The following LNX1 variants were observed in gnomAD, a reference collection of about 807,000 sequenced individuals.
LNX1 encodes the protein ligand of numb-protein X 1, also known as E3 ubiquitin-protein ligase LNX.
A neutral mutation model predicts 68.4 loss-of-function variants in LNX1; 54 were observed. The ratio of observed to expected loss-of-function variants is 0.79; its 90% confidence interval spans 0.63 to 0.99. The LOEUF (loss-of-function observed/expected upper bound fraction) is 0.99, where lower values mean the gene tolerates loss of function less well. LNX1 is among the 50% of genes least tolerant of loss of function. The pLI is 0.00. For synonymous variants in LNX1, 336 were observed against 350.0 expected (o/e 0.96, Z 0.45); for missense variants, 906 against 926.4 (o/e 0.98, Z 0.29).
At chr4:53,462,452 A>C (rs1222337487) in intron 9 of LNX1, among the ~76,000 whole-genome samples, 1 of 152,076 alleles carries the variant, frequency 6.6e-6, no homozygotes, top group African/African-American at 2.4e-5. Context: ...GTAGTCCGGG[A>C]ATTGGTTTGA....
rs565742301 is a variant in LNX1 at position 53,606,199 on chromosome 4, G to GA, written c.-215+10317dup. ...ATAGACCACTAGGTAGACTAATAAA[G>GA]AAAAAAAGGGAGAAGTTCCAAATAA... On this transcript the variant is annotated intron_variant, in intron 2 of 3. Transcript: ENST00000504299. 6.2e-3 allele frequency among the ~76,000 whole-genome samples: 921 copies of GA among 147,738 alleles called. 4 individuals are homozygous for GA. The highest frequency in any genetic ancestry group is 9.8e-3 in the Non-Finnish European group (656 of 66,620).
intron 2 of LNX1, among the ~76,000 whole-genome samples, chr4:53,537,890 G>T (rs1444889664): frequency 6.6e-6 from 1 of 152,250 alleles, no homozygotes; most frequent in Non-Finnish European, 1.5e-5. Flanking sequence ...AGGAAACGGT[G>T]TGGGGAGGTC....
Position 53,573,838 on chromosome 4 carries a change from C to G in LNX1, c.165G>C (p.Pro55=). The G allele has an allele frequency of 6.2e-7, 1 of 1,613,648 alleles. No individual in the cohort carries two copies. Among genetic ancestry groups the G allele is most frequent in the Non-Finnish European group, 8.5e-7 (1 of 1,179,774 alleles). ...LQALLDPLDT[P]CGHTYCTLCL... ...AGAGGGTGCAGTAGGTGTGTCCACA[C>G]GGAGTGTCCAGGGGGTCCAGCAAAG... is the stretch of plus-strand genomic sequence containing the variant. The change falls in exon 2 of 11, where the codon CCG becomes CCC. Residue 55 remains proline, a synonymous_variant. Transcript: ENST00000263925.
chr4:53,600,059 A>G (rs1007123540), intron 2 of LNX1, among the ~76,000 whole-genome samples: 4 of 152,142 alleles, frequency 2.6e-5, no homozygotes, highest in African/African-American at 7.2e-5. Context: ...CCTCTCCCCA[A>G]TACCATATGC....
chr4:53,632,133 G>A (rs1224585425), intron 1 of LNX1, among the ~76,000 whole-genome samples: 3 of 152,134 alleles, frequency 2.0e-5, no homozygotes, highest in African/African-American at 7.2e-5. Flanking sequence ...GCTGCATTAT[G>A]AGGAGACCTC....
At chr4:53,462,055 A>G (rs567027609) in intron 9 of LNX1, among the ~76,000 whole-genome samples, 2 of 152,238 alleles carry the variant, frequency 1.3e-5, no homozygotes, top group South Asian at 4.1e-4. Context: ...ATGAATTCGT[A>G]TACTTTTTTT....
intron 2 of LNX1, among the ~76,000 whole-genome samples, chr4:53,509,426 T>A (rs1411779407): frequency 6.6e-6 from 1 of 152,200 alleles, no homozygotes; most frequent in Non-Finnish European, 1.5e-5. Flanking sequence ...GCACACATGA[T>A]TTTTACTGCC....
chr4:53,555,568 A>G (rs1298720005), intron 2 of LNX1, among the ~76,000 whole-genome samples: 5 of 152,144 alleles, frequency 3.3e-5, no homozygotes, highest in Admixed American at 2.6e-4. Flanking sequence ...TAGACTGTCA[A>G]CTCCTAGAAA....
At chr4:53,577,872 A>ATGTTT (rs975742373) in intron 1 of LNX1, among the ~76,000 whole-genome samples, 8 of 152,054 alleles carry the variant, frequency 5.3e-5, no homozygotes, top group African/African-American at 1.9e-4. Context: ...TGAGGTTTTT[A>ATGTTT]TGTTTTGTTT....
chr4:53,542,446 G>A (rs1359899247), intron 2 of LNX1, among the ~76,000 whole-genome samples: 1 of 152,148 alleles, frequency 6.6e-6, no homozygotes, highest in Admixed American at 6.5e-5. Context: ...AACTAAGGGG[G>A]CATTAAGCCC....
intron 9 of LNX1, among the ~76,000 whole-genome samples, chr4:53,465,578 T>C (rs1189609694): frequency 6.6e-6 from 1 of 152,232 alleles, no homozygotes; most frequent in Non-Finnish European, 1.5e-5. Flanking sequence ...CAGCATAACA[T>C]ACCCCTACCT....
chr4:53,545,330 C>A (rs1435918098), intron 2 of LNX1, among the ~76,000 whole-genome samples: 1 of 152,194 alleles, frequency 6.6e-6, no homozygotes, highest in African/African-American at 2.4e-5. Context: ...TTTTCTGTTT[C>A]AGAATCCATC....
intron 9 of LNX1, among the ~76,000 whole-genome samples, chr4:53,465,063 A>ATTC: frequency 6.6e-6 from 1 of 152,252 alleles, no homozygotes; most frequent in African/African-American, 2.4e-5. Context: ...TATGGAAGCT[A>ATTC]TTCTTCCAAG....
At chr4:53,615,128 C>T (rs1293731729) in intron 2 of LNX1, among the ~76,000 whole-genome samples, 5 of 152,128 alleles carry the variant, frequency 3.3e-5, no homozygotes, top group African/African-American at 4.8e-5. Context: ...AAAAATGCCA[C>T]GATTGAAACA....
intron 1 of LNX1, among the ~76,000 whole-genome samples, chr4:53,588,277 CCTGT>C (rs988164998): frequency 7.2e-5 from 11 of 152,260 alleles, no homozygotes; most frequent in African/African-American, 2.2e-4. Flanking sequence ...GATACACAGA[CCTGT>C]CTGATACTAT....
chr4:53,479,111 G>A (rs1723752739), intron 7 of LNX1, among the ~76,000 whole-genome samples: 1 of 152,128 alleles, frequency 6.6e-6, no homozygotes, highest in Admixed American at 6.6e-5. Context: ...TGTTGCTCAG[G>A]CTGGTCTGGA....
chr4:53,498,934 A>T, intron 4 of LNX1, 91 bp from the exon 5 acceptor site: 1 of 912,288 alleles, frequency 1.1e-6, no homozygotes, highest in East Asian at 2.5e-5. Context: ...CAGCCAAACT[A>T]AACTATTCAT....
At chr4:53,511,738 C>A (rs1184110901) in intron 2 of LNX1, among the ~76,000 whole-genome samples, 1 of 152,178 alleles carries the variant, frequency 6.6e-6, no homozygotes, top group Non-Finnish European at 1.5e-5. Flanking sequence ...GAGTTCACTG[C>A]TAATGAGAGT....
rs183746511 is a variant in LNX1, at chr4:53,536,372, A to C, written c.381-28145T>G. On this transcript the variant is annotated intron_variant, in intron 2 of 10. Transcript: ENST00000263925. ...TTTACACAAACGCCACACACAGTCA[A>C]AGTCGTTCCCTAAGGAACTCTTACA... 2.0e-5 allele frequency among the ~76,000 whole-genome samples: 3 copies of C among 152,246 alleles called. No individual in the cohort carries two copies. The East Asian group carries it at 5.8e-4, about 29-fold the overall frequency.
Sources: allele counts gnomAD v4.1 joint callset (sites outside exome capture counted in the v4.1 genomes callset), GRCh38; gene constraint gnomAD v4.1.1; transcripts MANE v1.5; gene names NCBI Gene and HGNC (gene_info 2026-07-23, HGNC 2026-07-21).